Variants in TMEM132B observed in about 807,000 individuals in gnomAD.
TMEM132B encodes the protein transmembrane protein 132B.
Under a neutral mutation model 90.8 loss-of-function variants are expected in TMEM132B, and 18 were observed. That is an observed-to-expected ratio of 0.20 (90% CI 0.14 to 0.29). The LOEUF (loss-of-function observed/expected upper bound fraction) is 0.29. Among genes scored for constraint, TMEM132B ranks in the 10% least tolerant of loss-of-function variants. The pLI, the probability that TMEM132B is intolerant of heterozygous loss-of-function variation, is 1.00. For synonymous variants in TMEM132B, 504 were observed against 523.3 expected (o/e 0.96, Z 0.50); for missense variants, 1,096 against 1,326.8 (o/e 0.83, Z 2.70).
At chr12:125,437,259 CTA>C (rs1399114841) in intron 3 of TMEM132B, among the ~76,000 whole-genome samples, 2 of 152,220 alleles carry the variant, frequency 1.3e-5, no homozygotes, top group Non-Finnish European at 2.9e-5. Context: ...GATGCGCTGA[CTA>C]TGATTCTGAT....
rs978972263 is a variant in TMEM132B at position 125,519,529 on chromosome 12, G to A, written c.1197G>A (p.Gln399=). The change falls in exon 4 of 9, where the codon CAG becomes CAA. Residue 399 remains glutamine, a synonymous_variant. Coordinates refer to ENST00000682704, the MANE Select transcript of TMEM132B (RefSeq NM_001366854.1). ...CTGGGGCCCAGCAGATTACCTGGCA[G>A]GTGGAGTACCCGATTGAGGACTCCA... ...DLAGAQQITW[Q]VEYPIEDSMS... 29 of 1,613,996 alleles carry A rather than the reference G, an allele frequency of 1.8e-5. No homozygotes were observed. In the African/African-American group the frequency reaches 3.3e-4, roughly 19 times the overall value.
At chr12:125,430,992 GC>G (rs1047090957) in intron 3 of TMEM132B, among the ~76,000 whole-genome samples, 2 of 152,102 alleles carry the variant, frequency 1.3e-5, no homozygotes, top group Non-Finnish European at 2.9e-5. Context: ...GAGGTGGCCG[GC>G]CCCAGTATGG....
rs576527996 is a variant in TMEM132B at position 125,500,057 on chromosome 12, T to C, written c.1107-19382T>C. 8.7e-3 allele frequency among the ~76,000 whole-genome samples: 1,282 copies of C among 146,586 alleles called. 20 individuals are homozygous for C. Among genetic ancestry groups the C allele is most frequent in the African/African-American group, 0.031 (1,214 of 39,726 alleles). On this transcript the variant is annotated intron_variant, in intron 3 of 8. Coordinates refer to ENST00000682704, the MANE Select transcript of TMEM132B (RefSeq NM_001366854.1). ...TATATCCAGTGCATTGTTGGCACCA[T>C]GGGACCAGAAGGCGGTGATCCCCCG...
At chr12:125,316,333 C>T (rs958383885) in intron 1 of TMEM132B, among the ~76,000 whole-genome samples, 21 of 152,114 alleles carry the variant, frequency 1.4e-4, no homozygotes, top group African/African-American at 4.3e-4. Flanking sequence ...TGGTGGGGGG[C>T]GGGAGCAGTG....
chr12:125,234,191 G>A (rs1371806492), intron 1 of TMEM132B, among the ~76,000 whole-genome samples: 1 of 152,176 alleles, frequency 6.6e-6, no homozygotes, highest in African/African-American at 2.4e-5. Flanking sequence ...GTGATGTGAT[G>A]AAGTTCATAG....
chr12:125,535,396 T>A (rs1266773919), intron 4 of TMEM132B, among the ~76,000 whole-genome samples: 1 of 152,204 alleles, frequency 6.6e-6, no homozygotes, highest in African/African-American at 2.4e-5. Flanking sequence ...ACCTGTGAAA[T>A]GCTGCTGAGA....
intron 4 of TMEM132B, among the ~76,000 whole-genome samples, chr12:125,580,179 C>A (rs1348954611): frequency 1.3e-5 from 2 of 152,214 alleles, no homozygotes; most frequent in Non-Finnish European, 2.9e-5. Flanking sequence ...TCTAGGCATG[C>A]ACACAGCCCT....
At chr12:125,470,878 C>G (rs902361953) in intron 3 of TMEM132B, among the ~76,000 whole-genome samples, 1 of 152,210 alleles carries the variant, frequency 6.6e-6, no homozygotes, top group South Asian at 2.1e-4. Context: ...CCTGTCTCCC[C>G]TGCACTGCCA....
rs1160780283 is a variant in TMEM132B at position 125,445,431 on chromosome 12, C to G, written c.1106+29754C>G. Among the ~76,000 whole-genome samples the G allele has an allele frequency of 6.6e-6, 1 of 152,236 alleles. No individual in the cohort carries two copies. The highest frequency in any genetic ancestry group is 1.9e-4 in the East Asian group (1 of 5,202). ...TCACCCTTCACCACCTGCTCTGAGA[C>G]AATGGGCCAAAGTCTAAGCCTTTCT... On this transcript the variant is annotated intron_variant, in intron 3 of 8. Coordinates refer to ENST00000682704, the MANE Select transcript of TMEM132B (RefSeq NM_001366854.1). The surrounding 1 kb of genome is among the most constrained non-coding windows in gnomAD (Gnocchi z 4.3).
intron 3 of TMEM132B, among the ~76,000 whole-genome samples, chr12:125,423,246 T>A (rs991753505): frequency 3.3e-5 from 5 of 152,238 alleles, no homozygotes; most frequent in African/African-American, 1.2e-4. Context: ...AGCAATGGAT[T>A]TGAGATACAC....
At chr12:125,271,620 T>C (rs1490348723) in intron 1 of TMEM132B, among the ~76,000 whole-genome samples, 5 of 152,204 alleles carry the variant, frequency 3.3e-5, no homozygotes, top group Non-Finnish European at 5.9e-5. Flanking sequence ...TTGTCTTTTA[T>C]ATTTTCAACA....
rs757027896 is a variant in TMEM132B, at chr12:125,349,407, A to G, written c.68-45A>G. 3.0e-5 allele frequency: 47 copies of G among 1,550,252 alleles called. No homozygotes were observed. Among genetic ancestry groups the G allele is most frequent in the Admixed American group, 9.8e-5 (5 of 51,018 alleles). ...GACTGCACTGCATTTATTTCATTAC[A>G]TCTCAGAACACGGTTTTATTCTTTT... On this transcript the variant is annotated intron_variant, in intron 1 of 8. Transcript: ENST00000682704. This position sits in a 1 kb window ranked among gnomAD's most constrained non-coding sequence, Gnocchi z 4.1.
At chr12:125,417,834 A>G (rs1432451293) in intron 3 of TMEM132B, among the ~76,000 whole-genome samples, 4 of 152,178 alleles carry the variant, frequency 2.6e-5, no homozygotes, top group African/African-American at 4.8e-5. Flanking sequence ...AGTGCTGGTC[A>G]CCACTGGCTC....
At position 125,406,138 on chromosome 12, in the gene TMEM132B, G is replaced by A. The variant is rs922911078; in HGVS notation, c.960-9393G>A. ...TAGATATGCTTAACTAGATCTTTTTGCTAGTGAATTTCCAGTAGACTGTGA... is the reference window on the plus strand; with the variant it reads ...TAGATATGCTTAACTAGATCTTTTTACTAGTGAATTTCCAGTAGACTGTGA... On this transcript the variant is annotated intron_variant, in intron 2 of 8. Transcript: ENST00000682704. The surrounding 1 kb of genome is among the most constrained non-coding windows in gnomAD (Gnocchi z 8.3). 1.4e-4 allele frequency among the ~76,000 whole-genome samples: 21 copies of A among 152,098 alleles called. No individual in the cohort carries two copies. The highest frequency in any genetic ancestry group is 5.1e-4 in the African/African-American group (21 of 41,422).
chr12:125,643,612 C>T (rs777208058), intron 5 of TMEM132B, among the ~76,000 whole-genome samples: 6 of 152,176 alleles, frequency 3.9e-5, no homozygotes, highest in Admixed American at 3.9e-4. Flanking sequence ...GGATTTTAAT[C>T]TAGTGCAAAG....
intron 1 of TMEM132B, among the ~76,000 whole-genome samples, chr12:125,284,421 A>G (rs1431250211): frequency 6.6e-6 from 1 of 152,216 alleles, no homozygotes; most frequent in East Asian, 1.9e-4. Flanking sequence ...GAGCTGTAGC[A>G]GTGGACAGAA....
Position 125,650,964 on chromosome 12 carries a change from C to T in TMEM132B, c.1914+11C>T, listed in dbSNP as rs752113308. 2 of 1,611,374 alleles carry T rather than the reference C, an allele frequency of 1.2e-6. No individual in the cohort carries two copies. The highest frequency in any genetic ancestry group is 1.7e-6 in the Non-Finnish European group (2 of 1,179,372). ...ATAACCACGGTGCAGGTACACGCCG[C>T]CATGCCTTGCCCAACAGCAGTCTGT... On this transcript the variant is annotated intron_variant, in intron 7 of 8. Coordinates refer to ENST00000682704, the MANE Select transcript of TMEM132B (RefSeq NM_001366854.1).
rs1873260305 is a variant in TMEM132B, at chr12:125,209,210, T to A, written c.67+22344T>A. 6.6e-6 allele frequency among the ~76,000 whole-genome samples: 1 copy of A among 152,228 alleles called. No homozygotes were observed. Among genetic ancestry groups the A allele is most frequent in the Non-Finnish European group, 1.5e-5 (1 of 68,046 alleles). On this transcript the variant is annotated intron_variant, in intron 1 of 8. Transcript: ENST00000682704. This position sits in a 1 kb window ranked among gnomAD's most constrained non-coding sequence, Gnocchi z 4.4. Reference sequence around the variant, plus strand: ...GAAAAGGGGAAGCCTCTGGCCAGCCTGAGCCTGGGTGCACACGAGGGCCGC... The same window carrying A: ...GAAAAGGGGAAGCCTCTGGCCAGCCAGAGCCTGGGTGCACACGAGGGCCGC...
chr12:125,204,080 T>C (rs908615327), intron 1 of TMEM132B, among the ~76,000 whole-genome samples: 1 of 152,278 alleles, frequency 6.6e-6, no homozygotes, highest in Admixed American at 6.5e-5. Flanking sequence ...GTAATCATTA[T>C]CACTGCAGCC....
Sources: allele counts gnomAD v4.1 joint callset (sites outside exome capture counted in the v4.1 genomes callset), GRCh38; gene constraint gnomAD v4.1.1; non-coding constraint Gnocchi (gnomAD v3.1); transcripts MANE v1.5; gene names NCBI Gene and HGNC (gene_info 2026-07-23, HGNC 2026-07-21).